Variants in TAAR1 observed in about 807,000 individuals in gnomAD.
The protein encoded by TAAR1 is trace amine associated receptor 1.
In TAAR1, 1 loss-of-function variant was observed where a neutral mutation model predicts 1.2. The observed-to-expected ratio is 0.81, with a 90% CI of 0.29 to 3.86. The LOEUF (loss-of-function observed/expected upper bound fraction) is 3.86, where lower values mean the gene tolerates loss of function less well. Ranked by LOEUF, TAAR1 falls within the 30% of genes most tolerant of loss-of-function variation. The pLI is 0.18. For synonymous variants in TAAR1, 153 were observed against 132.2 expected (o/e 1.16, Z -1.08); for missense variants, 445 against 405.6 (o/e 1.10, Z -0.83).
In TAAR1 at chr6:132,646,096, T is replaced by A; in HGVS notation, c.-93A>T. 7.3e-7 allele frequency: 1 copy of A among 1,363,308 alleles called. No individual in the cohort carries two copies. The highest frequency in any genetic ancestry group is 9.9e-7 in the Non-Finnish European group (1 of 1,006,536). 84.5% of individuals were successfully genotyped at this position (1,363,308 alleles called of 1,614,324 possible). A position where few individuals can be genotyped will look rare whatever the true frequency, so the allele number is the denominator to read the frequency against. ...ATCAGGTTACAGTTCCTTCTCATGT[T>A]TATTTTTTATTTGCACATACTTATC... On this transcript the variant is annotated 5_prime_UTR_variant, in exon 2 of 2. Transcript: ENST00000275216.
chr6:132,659,007 T>A (rs561798105), intron 1 of TAAR1, among the ~76,000 whole-genome samples, 123 bp downstream of exon 1: 59 of 152,348 alleles, frequency 3.9e-4, no homozygotes, highest in African/African-American at 1.4e-3. Context: ...TTTTAACAGA[T>A]GGATAAGTAC....
In TAAR1 at chr6:132,643,530, A is replaced by G. The variant is rs370936938; in HGVS notation, c.*1454T>C. 6.1e-4 allele frequency among the ~76,000 whole-genome samples: 93 copies of G among 152,164 alleles called. No individual in the cohort carries two copies. The highest frequency in any genetic ancestry group is 2.1e-3 in the African/African-American group (86 of 41,562). On this transcript the variant is annotated 3_prime_UTR_variant, in exon 2 of 2. Transcript: ENST00000275216. ...TTGATACAGATCATTGAAACAAAAT[A>G]TATACTCCAGAAACAGACTATAATT...
At chr6:132,647,366 AC>A (rs1777685406) in intron 1 of TAAR1, among the ~76,000 whole-genome samples, 2 of 45,480 alleles carry the variant, frequency 4.4e-5, no homozygotes, top group East Asian at 1.7e-3. Flanking sequence ...ACGCATGCAC[AC>A]ACACACACAC....
Position 132,644,531 on chromosome 6 carries a change from T to G in TAAR1, c.*453A>C, listed in dbSNP as rs1777636603. 1.3e-5 allele frequency among the ~76,000 whole-genome samples: 2 copies of G among 152,074 alleles called. No homozygotes were observed. Among genetic ancestry groups the G allele is most frequent in the African/African-American group, 2.4e-5 (1 of 41,428 alleles). On this transcript the variant is annotated 3_prime_UTR_variant, in exon 2 of 2. Coordinates refer to ENST00000275216, the MANE Select transcript of TAAR1 (RefSeq NM_138327.4). Reference sequence around the variant, plus strand: ...AAATAAATTATGTGTCAACAATTATTTAGCGGTAACATTTAATGTGTGTAC... The same window carrying G: ...AAATAAATTATGTGTCAACAATTATGTAGCGGTAACATTTAATGTGTGTAC...
In TAAR1 at chr6:132,644,945, A is replaced by G; in HGVS notation, c.*39T>C. ...TCGTTATGTTGTGTTCATAAATATG[A>G]TCATCAACCGATTTGCAAAACAGTA... On this transcript the variant is annotated 3_prime_UTR_variant, in exon 2 of 2. Transcript: ENST00000275216. 1.4e-6 allele frequency: 2 copies of G among 1,460,636 alleles called. No homozygotes were observed. Among genetic ancestry groups the G allele is most frequent in the Non-Finnish European group, 9.1e-7 (1 of 1,100,512 alleles). The allele number at this position is 1,460,636 out of a possible 1,614,324, so 90.5% of individuals were successfully genotyped here.
chr6:132,643,581 G>A lies in TAAR1; in HGVS notation c.*1403C>T, dbSNP rs1461157312. Among the ~76,000 whole-genome samples the A allele has an allele frequency of 4.6e-5, 7 of 151,998 alleles. No homozygotes were observed. Among genetic ancestry groups the A allele is most frequent in the Admixed American group, 3.9e-4 (6 of 15,222 alleles). ...TCTGGAAGGATTTCACATATCCTCC[G>A]GAGATCCTCAGATTTGTAAACAGAA... On this transcript the variant is annotated 3_prime_UTR_variant, in exon 2 of 2. Transcript: ENST00000275216.
Position 132,645,015 on chromosome 6 carries a change from C to G in TAAR1, c.989G>C (p.Arg330Thr), listed in dbSNP as rs767049639. 1.3e-5 allele frequency: 21 copies of G among 1,575,634 alleles called. No homozygotes were observed. Among genetic ancestry groups the G allele is most frequent in the Non-Finnish European group, 1.8e-5 (21 of 1,168,382 alleles). ...ACTCAATTCCAAAAATAATTTACAC[C>G]TGGATGAATCTTTTTGGAAAATTTT... ...FGKIFQKDSS[R>T]CKLFLELSS is the part of the protein sequence containing the mutation. The change falls in exon 2 of 2, where the codon AGG becomes ACG. Residue 330 changes from arginine to threonine, a missense_variant. Physicochemically the swap from Arg to Thr is moderately conservative, Grantham distance 71. Transcript: ENST00000275216.
chr6:132,649,020 G>A (rs745500921), intron 1 of TAAR1, among the ~76,000 whole-genome samples: 47 of 152,296 alleles, frequency 3.1e-4, no homozygotes, highest in Admixed American at 6.5e-4. Flanking sequence ...ATCCCGGGCA[G>A]AGTGCCTCAA....
At chr6:132,649,061 C>A (rs1169648479) in intron 1 of TAAR1, among the ~76,000 whole-genome samples, 5 of 152,138 alleles carry the variant, frequency 3.3e-5, no homozygotes, top group African/African-American at 1.2e-4. Context: ...AACACTAACC[C>A]TATCATAAGC....
intron 1 of TAAR1, among the ~76,000 whole-genome samples, chr6:132,648,071 C>A (rs1172397049): frequency 6.6e-6 from 1 of 152,116 alleles, no homozygotes; most frequent in African/African-American, 2.4e-5. Flanking sequence ...GTTATTTAAA[C>A]TAAGCAATAT....
In TAAR1 at chr6:132,645,851, G is replaced by T. The variant is rs567495315; in HGVS notation, c.153C>A (p.Phe51Leu). Residue 51 changes from phenylalanine to leucine, a missense_variant, in exon 2 of 2, where the codon TTC becomes TTA. Coordinates refer to ENST00000275216, the MANE Select transcript of TAAR1 (RefSeq NM_138327.4). ...NLIVIVSISHFKQLHTPTNWL... is the reference protein window; with the variant it reads ...NLIVIVSISHLKQLHTPTNWL... ...AATTTGTTGGGGTATGAAGTTGTTT[G>T]AAGTGTGATATAGAAACAATAACTA... is the stretch of plus-strand genomic sequence containing the variant. 2.0e-5 allele frequency: 32 copies of T among 1,613,790 alleles called. No individual in the cohort carries two copies. The South Asian group carries it at 3.3e-4, about 17-fold the overall frequency.
At position 132,646,159 on chromosome 6, in the gene TAAR1, T is replaced by C. The variant is rs373382567; in HGVS notation, c.-126-30A>G. Among the ~76,000 whole-genome samples the C allele has an allele frequency of 3.9e-5, 6 of 152,288 alleles. 1 individual carries two copies. The highest frequency in any genetic ancestry group is 2.1e-4 in the South Asian group (1 of 4,828). ...GAGGAAAAATAAAAGAGTAAATCAT[T>C]GGCAATTTGAGTCCTCTCACTTCTA... is the stretch of plus-strand genomic sequence containing the variant. On this transcript the variant is annotated intron_variant, in intron 1 of 1. Coordinates refer to ENST00000275216, the MANE Select transcript of TAAR1 (RefSeq NM_138327.4).
chr6:132,647,654 A>AAG (rs1382000254), intron 1 of TAAR1, among the ~76,000 whole-genome samples: 1 of 150,158 alleles, frequency 6.7e-6, no homozygotes, highest in Non-Finnish European at 1.5e-5. Context: ...GAAAGAAAGA[A>AAG]AGAAAGAAAG....
chr6:132,647,665 A>AAAGG (rs1777699875), intron 1 of TAAR1, among the ~76,000 whole-genome samples: 3 of 147,074 alleles, frequency 2.0e-5, no homozygotes, highest in East Asian at 3.9e-4. Context: ...AGAAAGAAAG[A>AAAGG]AAGAAAGAAA....
At chr6:132,647,532 G>C (rs1024063670) in intron 1 of TAAR1, among the ~76,000 whole-genome samples, 3 of 139,222 alleles carry the variant, frequency 2.2e-5, no homozygotes, top group Admixed American at 1.5e-4. Context: ...GAGAGGAGGA[G>C]GGAAGGAAGG....
intron 1 of TAAR1, among the ~76,000 whole-genome samples, chr6:132,647,671 A>AGAAG (rs1777700457): frequency 1.3e-5 from 2 of 150,716 alleles, no homozygotes; most frequent in Non-Finnish European, 3.0e-5. Flanking sequence ...AAAGAAAGAA[A>AGAAG]GAAAGAAAGA....
At chr6:132,652,421 C>T (rs1777759168) in intron 1 of TAAR1, among the ~76,000 whole-genome samples, 1 of 150,774 alleles carries the variant, frequency 6.6e-6, no homozygotes, top group Admixed American at 6.6e-5. Flanking sequence ...ATTCTCCTGC[C>T]TCAACCTCCC....
At chr6:132,652,815 C>A (rs1205867732) in intron 1 of TAAR1, among the ~76,000 whole-genome samples, 1 of 151,486 alleles carries the variant, frequency 6.6e-6, no homozygotes. Context: ...TCCTCCTCAC[C>A]ACTCTTTTTT....
At position 132,645,660 on chromosome 6, in the gene TAAR1, G is replaced by C. The variant is rs369337848; in HGVS notation, c.344C>G (p.Ser115Cys). ...ATAGTAGCGGTCAATGGAGATGAAAGACAAATGGAAAATGGAGGCTGAGCT... is the reference window on the plus strand; with the variant it reads ...ATAGTAGCGGTCAATGGAGATGAAACACAAATGGAAAATGGAGGCTGAGCT... ...MLSSASIFHL[S>C]FISIDRYYAV... Residue 115 changes from serine to cysteine, a missense_variant, in exon 2 of 2, where the codon TCT (serine) becomes TGT (cysteine). Transcript: ENST00000275216. 53 of 1,613,446 alleles carry C rather than the reference G, an allele frequency of 3.3e-5. 1 individual carries two copies. The highest frequency in any genetic ancestry group is 4.0e-5 in the Non-Finnish European group (47 of 1,179,766).
Sources: gnomAD v4.1 joint callset for allele counts (sites outside exome capture counted in the v4.1 genomes callset) on GRCh38, gnomAD v4.1.1 for gene constraint, MANE v1.5 for transcripts, NCBI Gene and HGNC (gene_info 2026-07-23, HGNC 2026-07-21) for gene names.